Variants in ABCB7 observed in about 807,000 individuals in gnomAD.
ABCB7 encodes iron-sulfur clusters transporter ABCB7, mitochondrial.
A neutral mutation model predicts 54.4 loss-of-function variants in ABCB7; 7 were observed. That is an observed-to-expected ratio of 0.13 (90% CI 0.07 to 0.24). ABCB7 has a LOEUF of 0.24. Ranked by LOEUF, ABCB7 falls within the 10% of genes least tolerant of loss-of-function variation. The pLI is 1.00. For synonymous variants in ABCB7, 218 were observed against 207.1 expected, an observed-to-expected ratio of 1.05 and a Z score of -0.45; for missense variants, 356 against 570.4, an observed-to-expected ratio of 0.62 and a Z score of 3.83.
intron 15 of ABCB7, among the ~76,000 whole-genome samples, chrX:75,054,402 T>G (rs1255226376): frequency 1.8e-5 from 2 of 111,962 alleles, no homozygotes; most frequent in African/African-American, 6.5e-5. Flanking sequence ...TATCCCACAT[T>G]CCCACTACTA....
chrX:75,076,574 C>G lies in ABCB7; in HGVS notation c.534G>C (p.Leu178=). 2 of 1,210,988 alleles carry G rather than the reference C, an allele frequency of 1.7e-6. No homozygotes were observed. Among genetic ancestry groups the G allele is most frequent in the Non-Finnish European group, 2.2e-6 (2 of 894,757 alleles). ...TTGCAACTGTATTTGGTGCATCACT[C>G]AGGTTCAGCATGTTTCCCGACATCT... ...LNQMSGNMLN[L]SDAPNTVATM... is the part of the protein sequence containing the mutation. Residue 178 remains leucine, a synonymous_variant, in exon 5 of 16, where the codon CTG becomes CTC. Coordinates refer to ENST00000373394, the MANE Select transcript of ABCB7 (RefSeq NM_001271696.3).
At chrX:75,118,581 A>G (rs181622517) in intron 1 of ABCB7, among the ~76,000 whole-genome samples, 101 of 111,189 alleles carry the variant, frequency 9.1e-4, no homozygotes, top group South Asian at 2.3e-3. Flanking sequence ...TTCCTCTCAA[A>G]ATCTAAGGCT....
At chrX:75,142,353 A>C (rs905133930) in intron 1 of ABCB7, among the ~76,000 whole-genome samples, 2 of 111,915 alleles carry the variant, frequency 1.8e-5, no homozygotes, top group Non-Finnish European at 3.8e-5. Flanking sequence ...CAAGGGAAAA[A>C]AGTCTGTAAA....
At chrX:75,095,384 G>C (rs2081581920) in intron 4 of ABCB7, among the ~76,000 whole-genome samples, 1 of 112,178 alleles carries the variant, frequency 8.9e-6, no homozygotes, top group Non-Finnish European at 1.9e-5. Context: ...TGAAAAATAG[G>C]AAGCCAAGGA....
At chrX:75,154,291 C>A in intron 1 of ABCB7, among the ~76,000 whole-genome samples, 1 of 111,700 alleles carries the variant, frequency 9.0e-6, no homozygotes, top group Non-Finnish European at 1.9e-5. Context: ...TTGCCATTGC[C>A]TCCTCTGAGA....
chrX:75,108,721 G>A (rs1197026245), intron 3 of ABCB7, among the ~76,000 whole-genome samples: 1 of 110,438 alleles, frequency 9.1e-6, no homozygotes, highest in African/African-American at 3.3e-5. Flanking sequence ...ACAGAGGGCT[G>A]AGAGAAGCTG....
intron 12 of ABCB7, among the ~76,000 whole-genome samples, chrX:75,067,748 G>T (rs1037651169): frequency 9.0e-6 from 1 of 110,940 alleles, no homozygotes; most frequent in Non-Finnish European, 1.9e-5. Context: ...GCCTCCCAAA[G>T]TGCTGGGATT....
intron 1 of ABCB7, among the ~76,000 whole-genome samples, chrX:75,115,710 G>GC (rs1487268173): frequency 9.3e-6 from 1 of 107,555 alleles, no homozygotes; most frequent in Non-Finnish European, 1.9e-5. Context: ...CAACTGAATG[G>GC]CCCCCCTCCT....
At chrX:75,056,272 T>C (rs2081239028) in intron 15 of ABCB7, among the ~76,000 whole-genome samples, 1 of 111,889 alleles carries the variant, frequency 8.9e-6, no homozygotes, top group Non-Finnish European at 1.9e-5. Context: ...ATTACAATGG[T>C]GGCTGTAAAG....
At chrX:75,115,266 C>CAAAAAAAAAAAAAAAAAA (rs1160024642) in intron 1 of ABCB7, among the ~76,000 whole-genome samples, 4 of 13,251 alleles carry the variant, frequency 3.0e-4, no homozygotes, top group African/African-American at 9.7e-4. Flanking sequence ...GACTCTGTCT[C>CAAAAAAAAAAAAAAAAAA]AAAAAAAAAA....
rs1259081836 is a variant in ABCB7, at chrX:75,051,058, T to C, written c.*2312A>G. On this transcript the variant is annotated 3_prime_UTR_variant, in exon 16 of 16. Transcript: ENST00000373394. Reference sequence around the variant, plus strand: ...GAGACTTTAACCACATTTCCAGTAATGCAACTGGTTTATTAAAAGTACTCA... The same window carrying C: ...GAGACTTTAACCACATTTCCAGTAACGCAACTGGTTTATTAAAAGTACTCA... Among the ~76,000 whole-genome samples the C allele has an allele frequency of 4.5e-4, 49 of 109,565 alleles. 1 individual carries two copies. The highest frequency in any genetic ancestry group is 5.7e-5 in the Non-Finnish European group (3 of 52,549).
intron 4 of ABCB7, among the ~76,000 whole-genome samples, chrX:75,085,670 A>G (rs2081491238): frequency 9.0e-6 from 1 of 110,965 alleles, no homozygotes; most frequent in African/African-American, 3.3e-5. Flanking sequence ...GTCTAAAAAT[A>G]AGGCTGAATC....
At chrX:75,114,948 T>C in intron 1 of ABCB7, 117 bp from the exon 2 acceptor site, 1 of 618,722 alleles carries the variant, frequency 1.6e-6, no homozygotes, top group Non-Finnish European at 2.4e-6. Flanking sequence ...ATTGGAGAGA[T>C]GATTATGCTT....
intron 4 of ABCB7, among the ~76,000 whole-genome samples, chrX:75,077,235 T>C (rs898636661): frequency 9.8e-5 from 11 of 112,176 alleles, no homozygotes; most frequent in South Asian, 7.4e-4. Context: ...TGAAAAAACA[T>C]TGATAAATCC....
At chrX:75,064,218 A>G (rs920291457) in intron 13 of ABCB7, among the ~76,000 whole-genome samples, 7 of 111,699 alleles carry the variant, frequency 6.3e-5, no homozygotes, top group Admixed American at 9.5e-5. Context: ...TTTATGCTTC[A>G]TTTTTTTAAC....
At chrX:75,066,303 T>G (rs777892346) in intron 12 of ABCB7, among the ~76,000 whole-genome samples, 1 of 111,339 alleles carries the variant, frequency 9.0e-6, no homozygotes, top group South Asian at 3.8e-4. Flanking sequence ...GACCAAAAAT[T>G]TCATATATTG....
At chrX:75,103,707 C>A (rs1399273359) in intron 3 of ABCB7, among the ~76,000 whole-genome samples, 6 of 109,367 alleles carry the variant, frequency 5.5e-5, no homozygotes, top group Non-Finnish European at 1.2e-4. Flanking sequence ...TAGATTTAAT[C>A]CTGAGTAATT....
chrX:75,147,840 G>C (rs2082102933), intron 1 of ABCB7, among the ~76,000 whole-genome samples: 1 of 112,638 alleles, frequency 8.9e-6, no homozygotes, highest in African/African-American at 3.2e-5. Context: ...ACAAGGCCAG[G>C]CGTGGTGGCT....
At chrX:75,117,452 TCTC>T in intron 1 of ABCB7, among the ~76,000 whole-genome samples, 1 of 110,488 alleles carries the variant, frequency 9.1e-6, no homozygotes, top group South Asian at 4.0e-4. Flanking sequence ...GTTAAGAGTT[TCTC>T]CTAAGACAGG....
Sources: allele counts gnomAD v4.1 joint callset (sites outside exome capture counted in the v4.1 genomes callset), GRCh38; gene constraint gnomAD v4.1.1; transcripts MANE v1.5; gene names NCBI Gene and HGNC (gene_info 2026-07-23, HGNC 2026-07-21).